The following DPP10 variants were observed in gnomAD, a reference collection of about 807,000 sequenced individuals.
DPP10 encodes inactive dipeptidyl peptidase 10.
In DPP10, 33 loss-of-function variants were observed where a neutral mutation model predicts 120.9. The ratio of observed to expected loss-of-function variants is 0.27; its 90% confidence interval spans 0.21 to 0.37. DPP10 has a LOEUF of 0.37. Among genes scored for constraint, DPP10 ranks in the 10% least tolerant of loss-of-function variants. The pLI, the probability that DPP10 is intolerant of heterozygous loss-of-function variation, is 1.00. For synonymous variants in DPP10, 337 were observed against 326.1 expected (o/e 1.03, Z -0.36); for missense variants, 816 against 942.8 (o/e 0.87, Z 1.76).
intron 1 of DPP10, among the ~76,000 whole-genome samples, chr2:114,460,579 T>C (rs1678846816): frequency 6.6e-6 from 1 of 152,188 alleles, no homozygotes; most frequent in Non-Finnish European, 1.5e-5. Flanking sequence ...ATGACACAAA[T>C]TTTTTCAAGC....
chr2:115,468,533 C>A (rs2074475803), intron 3 of DPP10: 16 of 431,248 alleles, frequency 3.7e-5, no homozygotes, highest in South Asian at 2.6e-4. Flanking sequence ...ACATTGCCAT[C>A]CCACTCAACA....
intron 5 of DPP10, among the ~76,000 whole-genome samples, chr2:115,599,912 C>T (rs927010037): frequency 1.3e-5 from 2 of 152,064 alleles, no homozygotes; most frequent in African/African-American, 2.4e-5. Flanking sequence ...ATCCTCCATT[C>T]ACCTTATGAA....
At chr2:115,130,919 CTTCA>C (rs1340174427) in intron 1 of DPP10, 2 of 152,224 alleles carry the variant, frequency 1.3e-5, no homozygotes, top group Non-Finnish European at 2.9e-5. Flanking sequence ...TTCAGAATTT[CTTCA>C]TTATTTCTTA....
At chr2:114,443,105 G>T (rs1340879606) in intron 1 of DPP10, among the ~76,000 whole-genome samples, 2 of 150,766 alleles carry the variant, frequency 1.3e-5, no homozygotes, top group South Asian at 2.1e-4. Context: ...AGAAAGTTTT[G>T]TGAGTGTCTA....
At chr2:115,301,826 A>G (rs577149555) in intron 1 of DPP10, among the ~76,000 whole-genome samples, 4 of 152,170 alleles carry the variant, frequency 2.6e-5, no homozygotes, top group African/African-American at 7.2e-5. Context: ...TTAGACCTCT[A>G]AATCGTGATG....
intron 1 of DPP10, among the ~76,000 whole-genome samples, chr2:114,614,188 A>G (rs1006447443): frequency 6.6e-6 from 1 of 152,182 alleles, no homozygotes; most frequent in Non-Finnish European, 1.5e-5. Flanking sequence ...GCTTTCCTTC[A>G]TACTTCACCA....
chr2:115,136,658 T>TA (rs930352259), intron 1 of DPP10, among the ~76,000 whole-genome samples: 488 of 124,074 alleles, frequency 3.9e-3, no homozygotes, highest in South Asian at 9.7e-3. Context: ...AGGGATGGAA[T>TA]AAAAAAAAAA....
At chr2:115,294,845 G>T (rs1444644428) in intron 1 of DPP10, among the ~76,000 whole-genome samples, 3 of 151,988 alleles carry the variant, frequency 2.0e-5, no homozygotes, top group African/African-American at 7.2e-5. Context: ...GGAGGGAGAG[G>T]CATGAGGTTG....
intron 1 of DPP10, among the ~76,000 whole-genome samples, chr2:115,103,149 G>T (rs2048777506): frequency 6.6e-6 from 1 of 151,274 alleles, no homozygotes; most frequent in Admixed American, 6.6e-5. Context: ...TTTTCAGTTG[G>T]GTTATTCTCC....
At chr2:114,918,777 G>A (rs1285407739) in intron 1 of DPP10, among the ~76,000 whole-genome samples, 1 of 152,062 alleles carries the variant, frequency 6.6e-6, no homozygotes, top group Admixed American at 6.5e-5. Context: ...GGGATCAATA[G>A]TCACTGGGAA....
chr2:115,435,320 G>T (rs532605150), intron 3 of DPP10, among the ~76,000 whole-genome samples: 2 of 151,660 alleles, frequency 1.3e-5, no homozygotes, highest in Non-Finnish European at 3.0e-5. Context: ...GTGCAACAGT[G>T]TGCGAGAGTT....
At chr2:115,278,264 C>T (rs1340150915) in intron 1 of DPP10, among the ~76,000 whole-genome samples, 1 of 152,140 alleles carries the variant, frequency 6.6e-6, no homozygotes. Flanking sequence ...TTTCTTGCTA[C>T]ACAAACTTAC....
chr2:115,238,491 T>C (rs941399095), intron 1 of DPP10, among the ~76,000 whole-genome samples: 1 of 152,202 alleles, frequency 6.6e-6, no homozygotes, highest in Non-Finnish European at 1.5e-5. Context: ...GTATTTCAAA[T>C]CTTATTTTTT....
At chr2:114,988,553 T>G (rs1700566503) in intron 1 of DPP10, among the ~76,000 whole-genome samples, 1 of 152,208 alleles carries the variant, frequency 6.6e-6, no homozygotes, top group African/African-American at 2.4e-5. Flanking sequence ...AACACTGCTT[T>G]TAAAAACAAT....
intron 1 of DPP10, among the ~76,000 whole-genome samples, chr2:115,268,393 A>G (rs1478715148): frequency 6.6e-6 from 1 of 152,208 alleles, no homozygotes; most frequent in Non-Finnish European, 1.5e-5. Flanking sequence ...ACCTTGAACA[A>G]TCTAGTGAAT....
intron 3 of DPP10, among the ~76,000 whole-genome samples, chr2:115,433,757 A>G (rs1202325200): frequency 6.6e-6 from 1 of 151,924 alleles, no homozygotes; most frequent in Non-Finnish European, 1.5e-5. Context: ...TTATTTCCTT[A>G]AACTTTTGAG....
At chr2:115,256,736 C>A (rs2059017973) in intron 1 of DPP10, among the ~76,000 whole-genome samples, 1 of 152,144 alleles carries the variant, frequency 6.6e-6, no homozygotes, top group African/African-American at 2.4e-5. Flanking sequence ...GGATTCTTCC[C>A]CTGAAAATTT....
intron 1 of DPP10, among the ~76,000 whole-genome samples, chr2:115,137,716 A>AT (rs2050721037): frequency 6.6e-6 from 1 of 152,228 alleles, no homozygotes. Flanking sequence ...TTGTTAAGAG[A>AT]TTGAGTGAAC....
At chr2:115,205,006 C>T (rs754839741) in intron 1 of DPP10, among the ~76,000 whole-genome samples, 1 of 152,048 alleles carries the variant, frequency 6.6e-6, no homozygotes, top group Non-Finnish European at 1.5e-5. Context: ...TTGTTGGCTG[C>T]ATGGCTAGTG....
Sources: allele counts gnomAD v4.1 joint callset (sites outside exome capture counted in the v4.1 genomes callset), GRCh38; gene constraint gnomAD v4.1.1; transcripts MANE v1.5; gene names NCBI Gene and HGNC (gene_info 2026-07-23, HGNC 2026-07-21).